The following ABCD3 variants were observed in gnomAD, a reference collection of about 807,000 sequenced individuals.
The protein encoded by ABCD3 is ATP-binding cassette sub-family D member 3.
ABCD3 carries 41 observed loss-of-function variants against 105.5 expected under a neutral mutation model. The ratio of observed to expected loss-of-function variants is 0.39; its 90% CI spans 0.30 to 0.50. ABCD3 has a LOEUF of 0.50. ABCD3 is among the 20% of genes least tolerant of loss of function. The pLI is 0.84. For missense variants in ABCD3, 622 were observed against 806.3 expected (o/e 0.77, Z 2.77); for synonymous variants, 258 against 269.0 (o/e 0.96, Z 0.40).
the ABCD3 span, among the ~76,000 whole-genome samples, chr1:94,396,692 T>C: frequency 6.6e-6 from 1 of 152,192 alleles, no homozygotes; most frequent in Admixed American, 6.5e-5. Flanking sequence ...AATATAACAT[T>C]AAGTATTTCT....
intron 6 of ABCD3, 43 bp downstream of exon 6, chr1:94,475,283 A>G (rs935813316): frequency 1.3e-5 from 16 of 1,269,472 alleles, no homozygotes; most frequent in Non-Finnish European, 1.8e-5. Context: ...TTTAAATAGA[A>G]GAGTATTTAT....
the ABCD3 span, among the ~76,000 whole-genome samples, chr1:94,386,447 C>T: frequency 3.3e-5 from 5 of 152,298 alleles, no homozygotes; most frequent in South Asian, 2.1e-4. Context: ...TTATTAGTAC[C>T]GCTAGACTAT....
intron 1 of ABCD3, chr1:94,419,176 G>C: frequency 1.8e-6 from 1 of 566,868 alleles, no homozygotes; most frequent in Non-Finnish European, 2.2e-6. Flanking sequence ...GTCTAAAGTG[G>C]TGAGCCCTTG....
chr1:94,484,089 G>GAC (rs1406363990), intron 10 of ABCD3, among the ~76,000 whole-genome samples: 1 of 152,212 alleles, frequency 6.6e-6, no homozygotes, highest in Non-Finnish European at 1.5e-5. Context: ...ACCACAGTGA[G>GAC]ACACTATCTC....
At chr1:94,462,111 C>T (rs1226519545) in intron 2 of ABCD3, among the ~76,000 whole-genome samples, 2 of 152,062 alleles carry the variant, frequency 1.3e-5, no homozygotes, top group South Asian at 2.1e-4. Context: ...ATTATTACTT[C>T]GACTTCTCAA....
intron 1 of ABCD3, among the ~76,000 whole-genome samples, chr1:94,449,283 G>A (rs892920513): frequency 1.3e-5 from 2 of 152,154 alleles, no homozygotes; most frequent in Non-Finnish European, 2.9e-5. Flanking sequence ...AATACCCATC[G>A]AACATAGCCA....
At position 94,467,985 on chromosome 1, in the gene ABCD3, C is replaced by G. The variant is rs765518807; in HGVS notation, c.313C>G (p.Gln105Glu). Residue 105 changes from glutamine (Q) to glutamate (E), a missense_variant, in exon 4 of 23, where the codon CAA becomes GAA. By Grantham distance (29) the Gln-to-Glu change is conservative. This residue lies in a region of ABCD3 where 245 missense variants were observed against 356.4 expected (regional missense o/e 0.69). Coordinates refer to ENST00000370214, the MANE Select transcript of ABCD3 (RefSeq NM_002858.4). ...SRTYCDVWMI[Q>E]NGTLIESGII... ...AACATATTGTGATGTTTGGATGATT[C>G]AAAATGGGACACTAATTGAAAGGTA... is the stretch of plus-strand genomic sequence containing the variant. 2 of 1,612,938 alleles carry G rather than the reference C, an allele frequency of 1.2e-6. No individual in the cohort carries two copies. The highest frequency in any genetic ancestry group is 2.2e-5 in the East Asian group (1 of 44,786).
At chr1:94,473,856 A>G (rs1263983744) in intron 5 of ABCD3, 21 bp downstream of exon 5, 1 of 1,597,656 alleles carries the variant, frequency 6.3e-7, no homozygotes, top group Non-Finnish European at 8.6e-7. Context: ...TTCATTAAAA[A>G]TCTTTTTAAC....
chr1:94,501,152 GT>G (rs1557689336), intron 20 of ABCD3, among the ~76,000 whole-genome samples: 2 of 151,674 alleles, frequency 1.3e-5, no homozygotes, highest in African/African-American at 4.8e-5. Context: ...GCCCAGAGCA[GT>G]GGGGGGCTGA....
chr1:94,463,156 G>A lies in ABCD3; in HGVS notation c.148-1619G>A, dbSNP rs1287238670. Among the ~76,000 whole-genome samples the A allele has an allele frequency of 3.9e-5, 6 of 152,320 alleles. No homozygotes were observed. The East Asian group carries it at 5.8e-4, about 15-fold the overall frequency. On this transcript the variant is annotated intron_variant, in intron 2 of 22. Transcript: ENST00000370214. ...TTAAGTAGACTGAGCCTGTAACTCA[G>A]TAGGATGAGGTTTGCAACTTTGTCT...
chr1:94,431,637 T>G (rs565813685), intron 1 of ABCD3, among the ~76,000 whole-genome samples: 1 of 152,188 alleles, frequency 6.6e-6, no homozygotes, highest in Non-Finnish European at 1.5e-5. Flanking sequence ...CATGGCTCAC[T>G]GCAGCCTTGA....
intron 13 of ABCD3, 23 bp downstream of exon 13, chr1:94,488,006 G>A (rs1304992572): frequency 6.4e-6 from 10 of 1,554,406 alleles, no homozygotes; most frequent in Non-Finnish European, 8.9e-6. Context: ...ATAATGAGCT[G>A]TTGCAGAAAA....
intron 2 of ABCD3, 86 bp from the exon 3 acceptor site, chr1:94,464,683 CTGTTTA>C (rs1648047887): frequency 9.4e-7 from 1 of 1,063,192 alleles, no homozygotes; most frequent in Non-Finnish European, 1.5e-6. Context: ...ATCTTGATAG[CTGTTTA>C]TGTTGACTTA....
At chr1:94,514,405 A>T (rs1650833817) in intron 21 of ABCD3, 1 of 151,138 alleles carries the variant, frequency 6.6e-6, no homozygotes, top group African/African-American at 2.4e-5. Flanking sequence ...GTTGAGAACC[A>T]CTGATCTAGA....
intron 10 of ABCD3, among the ~76,000 whole-genome samples, chr1:94,486,652 G>T (rs1649292237): frequency 1.3e-5 from 2 of 152,198 alleles, no homozygotes; most frequent in African/African-American, 4.8e-5. Flanking sequence ...TAAAGGGATA[G>T]ATATGAAGGG....
rs201663428 is a variant in ABCD3 at position 94,487,872 on chromosome 1, A to T, written c.1066-20A>T. 3.7e-6 allele frequency: 6 copies of T among 1,607,294 alleles called. No individual in the cohort carries two copies. In the Admixed American group the frequency reaches 8.3e-5, roughly 22 times the overall value. On this transcript the variant is annotated intron_variant, in intron 12 of 22. Transcript: ENST00000370214. ...AGTCATAGAACTATAAGTAAAAACT[A>T]ATATTTATTTCTATTTAAGGATTAC...
At chr1:94,433,419 G>T (rs1659766300) in intron 1 of ABCD3, among the ~76,000 whole-genome samples, 1 of 152,144 alleles carries the variant, frequency 6.6e-6, no homozygotes, top group Non-Finnish European at 1.5e-5. Flanking sequence ...CTCCCAAAGT[G>T]CTGGGATTAC....
chr1:94,505,049 G>A (rs1160146443), intron 20 of ABCD3, among the ~76,000 whole-genome samples: 3 of 152,130 alleles, frequency 2.0e-5, no homozygotes, highest in Non-Finnish European at 4.4e-5. Context: ...ATTTGCTGAA[G>A]TGTTCAAGAT....
Position 94,517,248 on chromosome 1 carries a change from C to G in ABCD3, c.*119C>G. 2.7e-6 allele frequency: 2 copies of G among 753,016 alleles called. No homozygotes were observed. Among genetic ancestry groups the G allele is most frequent in the East Asian group, 2.6e-5 (1 of 38,540 alleles). The allele number at this position is 753,016 out of a possible 1,614,324, so 46.6% of individuals were successfully genotyped here. A position where few individuals can be genotyped will look rare whatever the true frequency, so the allele number is the denominator to read the frequency against. On this transcript the variant is annotated 3_prime_UTR_variant, in exon 23 of 23. Coordinates refer to ENST00000370214, the MANE Select transcript of ABCD3 (RefSeq NM_002858.4). ...TTTTTTAAAAAAAAAAACAAAGCAACAAATTAACTAGATACAGAATAATGG... is the reference window on the plus strand; with the variant it reads ...TTTTTTAAAAAAAAAAACAAAGCAAGAAATTAACTAGATACAGAATAATGG...
Sources: allele counts gnomAD v4.1 joint callset (sites outside exome capture counted in the v4.1 genomes callset), GRCh38; gene constraint gnomAD v4.1.1; regional missense constraint gnomAD v4.1.1; transcripts MANE v1.5; gene names NCBI Gene and HGNC (gene_info 2026-07-23, HGNC 2026-07-21).